The following TTC39A variants were observed in gnomAD, a reference collection of about 807,000 sequenced individuals.
TTC39A encodes tetratricopeptide repeat protein 39A.
TTC39A carries 46 observed loss-of-function variants against 82.3 expected under a neutral mutation model. The ratio of observed to expected loss-of-function variants is 0.56; its 90% CI spans 0.44 to 0.71. The LOEUF (loss-of-function observed/expected upper bound fraction) is 0.71. Ranked by LOEUF, TTC39A falls within the 30% of genes least tolerant of loss-of-function variation. TTC39A has a pLI of 0.00. For synonymous variants in TTC39A, 254 were observed against 275.2 expected, an observed-to-expected ratio of 0.92 and a Z score of 0.76; for missense variants, 543 against 712.9, an observed-to-expected ratio of 0.76 and a Z score of 2.71.
chr1:51,324,976 T>G (rs1254967083), intron 1 of TTC39A, among the ~76,000 whole-genome samples: 1 of 151,932 alleles, frequency 6.6e-6, no homozygotes, highest in Non-Finnish European at 1.5e-5. Context: ...CACATCTGTC[T>G]GGGCATGGTG....
In TTC39A at chr1:51,290,644, G is replaced by A; in HGVS notation, c.1267-19C>T. 1 of 1,601,758 alleles carries A rather than the reference G, an allele frequency of 6.2e-7. No individual in the cohort carries two copies. The highest frequency in any genetic ancestry group is 8.5e-7 in the Non-Finnish European group (1 of 1,173,018). On this transcript the variant is annotated intron_variant, in intron 14 of 17. Transcript: ENST00000680483. ...TCATTTCCTGAAGGCAGGGGGGCAA[G>A]TCAGTCCTAGGTTTCTTCCCTAATG...
At chr1:51,305,017 C>T in intron 8 of TTC39A, 64 bp downstream of exon 8, 5 of 1,578,184 alleles carry the variant, frequency 3.2e-6, no homozygotes, top group Middle Eastern at 1.7e-4. Flanking sequence ...CAGCCCCACC[C>T]TGTGCAGCCC....
At chr1:51,293,245 T>C (rs1163817381) in intron 14 of TTC39A, among the ~76,000 whole-genome samples, 1 of 152,164 alleles carries the variant, frequency 6.6e-6, no homozygotes, top group African/African-American at 2.4e-5. Flanking sequence ...TTTTGTATTT[T>C]TAGTAGAGGT....
In TTC39A at chr1:51,288,015, G is replaced by T. The variant is rs538456219; in HGVS notation, c.*142C>A. ...GAAAATGCCAGCTCGGCTTCTGCAC[G>T]GATACACTATGTTGTGCCATCCAAC... is the stretch of plus-strand genomic sequence containing the variant. On this transcript the variant is annotated 3_prime_UTR_variant, in exon 18 of 18. Transcript: ENST00000680483. This position sits in a 1 kb window ranked among gnomAD's most constrained non-coding sequence, Gnocchi z 4.8. 1 of 1,331,504 alleles carries T rather than the reference G, an allele frequency of 7.5e-7. No individual in the cohort carries two copies. The allele number at this position is 1,331,504 out of a possible 1,614,324, so 82.5% of individuals were successfully genotyped here.
chr1:51,312,771 G>A, intron 3 of TTC39A, 41 bp downstream of exon 3: 1 of 1,600,236 alleles, frequency 6.2e-7, no homozygotes, highest in Middle Eastern at 1.9e-4. Flanking sequence ...ACAGCAGGGT[G>A]GGCCTCCCAA....
In TTC39A at chr1:51,288,608, G is replaced by A. The variant is rs144693056; in HGVS notation, c.1610+231C>T. Among the ~76,000 whole-genome samples the A allele has an allele frequency of 3.4e-3, 523 of 152,276 alleles. 2 individuals carry two copies. The highest frequency in any genetic ancestry group is 0.012 in the African/African-American group (516 of 41,556). ...CAGTTGGCTTCTGATGTGACCTTGG[G>A]AACTTACTTCCTGCCTCTGGGAGTC... On this transcript the variant is annotated intron_variant, in intron 17 of 17. Transcript: ENST00000680483. This position sits in a 1 kb window ranked among gnomAD's most constrained non-coding sequence, Gnocchi z 4.8.
intron 2 of TTC39A, among the ~76,000 whole-genome samples, chr1:51,313,935 T>A (rs921890787): frequency 1.3e-5 from 2 of 152,260 alleles, no homozygotes; most frequent in Non-Finnish European, 2.9e-5. Flanking sequence ...CCACTGGGAA[T>A]CCAGGCCTCC....
upstream of TTC39A, chr1:51,331,971 G>A (rs11205832): frequency 0.03 from 8,044 of 269,720 alleles, 270 homozygotes; most frequent in East Asian, 0.13. Flanking sequence ...TGAGGCTGGT[G>A]AGACCACAAG....
chr1:51,344,940 C>T, intron 1 of TTC39A: 2 of 1,523,242 alleles, frequency 1.3e-6, no homozygotes, highest in African/African-American at 1.4e-5. Context: ...CCTCCGGCGG[C>T]CCCTTGGTCC....
chr1:51,313,980 C>T (rs2148239515), intron 2 of TTC39A, among the ~76,000 whole-genome samples: 1 of 152,380 alleles, frequency 6.6e-6, no homozygotes. Flanking sequence ...GAGGCACGGG[C>T]CACGCTGAAC....
chr1:51,330,326 C>A lies in TTC39A; in HGVS notation c.41+111G>T. The A allele has an allele frequency of 2.2e-6, 2 of 914,666 alleles. No individual in the cohort carries two copies. Among genetic ancestry groups the A allele is most frequent in the Non-Finnish European group, 2.6e-6 (2 of 766,674 alleles). The allele number at this position is 914,666 out of a possible 1,614,324, so 56.7% of individuals were successfully genotyped here. A position where few individuals can be genotyped will look rare whatever the true frequency, so the allele number is the denominator to read the frequency against. ...CGGGCGGGGTGGGGGCTGGAAGCCG[C>A]AGTGCGGCCCCAGGCCGGTGCGCGG... On this transcript the variant is annotated intron_variant, in intron 1 of 17. Coordinates refer to ENST00000680483, the MANE Select transcript of TTC39A (RefSeq NM_001297663.2). This position sits in a 1 kb window ranked among gnomAD's most constrained non-coding sequence, Gnocchi z 4.5.
chr1:51,321,895 G>C lies in TTC39A; in HGVS notation c.42-70C>G. The C allele has an allele frequency of 2.1e-6, 3 of 1,458,198 alleles. No individual in the cohort carries two copies. The highest frequency in any genetic ancestry group is 1.9e-6 in the Non-Finnish European group (2 of 1,059,948). 90.3% of individuals were successfully genotyped at this position (1,458,198 alleles called of 1,614,324 possible). On this transcript the variant is annotated intron_variant, in intron 1 of 17. Coordinates refer to ENST00000680483, the MANE Select transcript of TTC39A (RefSeq NM_001297663.2). The surrounding 1 kb of genome is among the most constrained non-coding windows in gnomAD (Gnocchi z 4.6). ...TCCAGCCTCTCCTGGCTGGAACAGA[G>C]CCTCACAGGGTCTACTCAGCCTCCC...
At chr1:51,310,008 TA>T (rs966344948) in intron 5 of TTC39A, among the ~76,000 whole-genome samples, 3 of 149,678 alleles carry the variant, frequency 2.0e-5, no homozygotes, top group Admixed American at 6.6e-5. Context: ...GAAAGCTATT[TA>T]AAAAAAAAAT....
At chr1:51,337,286 A>G (rs1360995121) in intron 1 of TTC39A, among the ~76,000 whole-genome samples, 2 of 151,828 alleles carry the variant, frequency 1.3e-5, no homozygotes, top group African/African-American at 4.9e-5. Context: ...TGCCAGGCAC[A>G]TTCCCACCTC....
chr1:51,322,115 T>C (rs1273412512), intron 1 of TTC39A: 1 of 1,552,624 alleles, frequency 6.4e-7, no homozygotes, highest in South Asian at 1.2e-5. Flanking sequence ...TCAATGATCT[T>C]ACCCTCCACA....
intron 12 of TTC39A, 66 bp downstream of exon 12, chr1:51,301,506 C>T: frequency 6.6e-7 from 1 of 1,509,442 alleles, no homozygotes; most frequent in African/African-American, 1.4e-5. Context: ...GGGATTTGGC[C>T]CGTGGTCTGG....
chr1:51,317,351 C>T (rs1328121326), intron 2 of TTC39A, among the ~76,000 whole-genome samples: 1 of 152,210 alleles, frequency 6.6e-6, no homozygotes, highest in African/African-American at 2.4e-5. Context: ...TATCCCCACT[C>T]CCAATGTGAG....
chr1:51,317,547 G>A (rs1158736610), intron 2 of TTC39A, among the ~76,000 whole-genome samples: 1 of 152,224 alleles, frequency 6.6e-6, no homozygotes, highest in Non-Finnish European at 1.5e-5. Flanking sequence ...TCAGGAGTTG[G>A]AGGCCAGCCT....
chr1:51,339,224 C>T (rs780292222), intron 1 of TTC39A, among the ~76,000 whole-genome samples: 7 of 152,096 alleles, frequency 4.6e-5, no homozygotes, highest in South Asian at 2.1e-4. Flanking sequence ...CCAAAAGGAA[C>T]GGGGTGTCTT....
Sources: allele counts gnomAD v4.1 joint callset (sites outside exome capture counted in the v4.1 genomes callset), GRCh38; gene constraint gnomAD v4.1.1; non-coding constraint Gnocchi (gnomAD v3.1); transcripts MANE v1.5; gene names NCBI Gene and HGNC (gene_info 2026-07-23, HGNC 2026-07-21).